The following MED27 variants were observed in gnomAD, a reference collection of about 807,000 sequenced individuals.
The protein encoded by MED27 is mediator complex subunit 27.
A neutral mutation model predicts 38.2 loss-of-function variants in MED27; 30 were observed. That is an observed-to-expected ratio of 0.79 (90% CI 0.59 to 1.07). The LOEUF (loss-of-function observed/expected upper bound fraction) is 1.07. Among genes scored for constraint, MED27 ranks in the 50% least tolerant of loss-of-function variants. The pLI, the probability that MED27 is intolerant of heterozygous loss-of-function variation, is 0.00. For missense variants in MED27, 289 were observed against 397.5 expected (o/e 0.73, Z 2.32); for synonymous variants, 122 against 153.5 (o/e 0.79, Z 1.52).
In MED27 at chr9:131,935,131, T is replaced by G. The variant is rs1207989448; in HGVS notation, c.573+4250A>C. On this transcript the variant is annotated intron_variant, in intron 4 of 7. Transcript: ENST00000292035. ...TTTAATAGGTACAAAAAGTAGTTAG[T>G]AAAAATAAATAAGACTTAGTATTTG... 5.9e-5 allele frequency among the ~76,000 whole-genome samples: 9 copies of G among 152,246 alleles called. No homozygotes were observed. In the South Asian group the frequency reaches 1.5e-3, roughly 25 times the overall value.
At chr9:131,893,751 C>G in intron 5 of MED27, 134 bp downstream of exon 5, 1 of 657,044 alleles carries the variant, frequency 1.5e-6, no homozygotes, top group Non-Finnish European at 2.7e-6. Context: ...TGTGCATCCT[C>G]ACACTGACAA....
intron 3 of MED27, among the ~76,000 whole-genome samples, chr9:131,990,037 G>A (rs770450588): frequency 6.6e-6 from 1 of 151,996 alleles, no homozygotes; most frequent in Non-Finnish European, 1.5e-5. Context: ...CACACCACCT[G>A]GGCTGTTCAC....
chr9:131,894,174 A>T (rs1009966979), intron 4 of MED27, among the ~76,000 whole-genome samples, 182 bp from the exon 5 acceptor site: 8 of 152,226 alleles, frequency 5.3e-5, no homozygotes, highest in Non-Finnish European at 1.5e-5. Flanking sequence ...GTGATCACTG[A>T]AAAATGTTTT....
intron 6 of MED27, among the ~76,000 whole-genome samples, chr9:131,865,374 C>A (rs1209176282): frequency 6.6e-6 from 1 of 152,138 alleles, no homozygotes; most frequent in Non-Finnish European, 1.5e-5. Context: ...CACAGCAAAG[C>A]AAACTGGGCT....
At position 131,860,435 on chromosome 9, in the gene MED27, CT is replaced by C; in HGVS notation, c.*102del. 1 of 1,305,878 alleles carries C rather than the reference CT, an allele frequency of 7.7e-7. No homozygotes were observed. The highest frequency in any genetic ancestry group is 1.0e-6 in the Non-Finnish European group (1 of 977,364). 80.9% of individuals were successfully genotyped at this position (1,305,878 alleles called of 1,614,324 possible). ...GCTGCTTTATGAAAGGGAGGAGCAG[CT>C]GTACACATCTGGGCAGTGAGGAACC... On this transcript the variant is annotated 3_prime_UTR_variant, in exon 8 of 8. Coordinates refer to ENST00000292035, the MANE Select transcript of MED27 (RefSeq NM_004269.4). This position sits in a 1 kb window ranked among gnomAD's most constrained non-coding sequence, Gnocchi z 5.8.
chr9:132,016,053 C>T (rs1027542615), intron 2 of MED27, among the ~76,000 whole-genome samples: 2 of 152,202 alleles, frequency 1.3e-5, no homozygotes, highest in African/African-American at 2.4e-5. Context: ...ATTTTCTTTG[C>T]CGAGTCAGCT....
chr9:131,956,369 A>C (rs1831099187), intron 3 of MED27, among the ~76,000 whole-genome samples: 1 of 152,208 alleles, frequency 6.6e-6, no homozygotes, highest in African/African-American at 2.4e-5. Flanking sequence ...ATGTAAATGC[A>C]CTTCGGGAGG....
chr9:132,025,583 T>C (rs561578219), intron 2 of MED27, among the ~76,000 whole-genome samples: 1 of 152,354 alleles, frequency 6.6e-6, no homozygotes, highest in East Asian at 1.9e-4. Flanking sequence ...CATCTGGATA[T>C]ACAACAGAGG....
chr9:131,903,601 C>T (rs1185743836), intron 4 of MED27, among the ~76,000 whole-genome samples: 1 of 152,214 alleles, frequency 6.6e-6, no homozygotes, highest in African/African-American at 2.4e-5. Context: ...CCTGGGCTTT[C>T]TTACTTCCAA....
At chr9:132,007,175 G>A (rs1832376088) in intron 3 of MED27, among the ~76,000 whole-genome samples, 1 of 152,134 alleles carries the variant, frequency 6.6e-6, no homozygotes, top group African/African-American at 2.4e-5. Flanking sequence ...CTTCCTTCCA[G>A]CAACACTTGT....
chr9:131,966,074 G>A (rs1185789336), intron 3 of MED27, among the ~76,000 whole-genome samples: 1 of 148,762 alleles, frequency 6.7e-6, no homozygotes, highest in East Asian at 2.0e-4. Context: ...AATAAAGACT[G>A]CATTTTGGCC....
At chr9:131,900,243 C>T (rs1049046742) in intron 4 of MED27, among the ~76,000 whole-genome samples, 2 of 152,214 alleles carry the variant, frequency 1.3e-5, no homozygotes, top group African/African-American at 4.8e-5. Flanking sequence ...ATCAGGTCAG[C>T]TGCACTCTGG....
intron 1 of MED27, among the ~76,000 whole-genome samples, chr9:132,079,094 G>A (rs937460744): frequency 1.3e-5 from 2 of 152,182 alleles, no homozygotes; most frequent in Non-Finnish European, 2.9e-5. Flanking sequence ...TGAGGAAACT[G>A]ATCAGGTGGT....
rs146388710 is a variant in MED27 at position 132,059,288 on chromosome 9, G to A, written c.348+18154C>T. On this transcript the variant is annotated intron_variant, in intron 2 of 7. Transcript: ENST00000292035. Reference sequence around the variant, plus strand: ...GGGCAAGAGGAACAGATCACCCTCAGAAAGACTCTGGTGGAGCACTACAGA... The same window carrying A: ...GGGCAAGAGGAACAGATCACCCTCAAAAAGACTCTGGTGGAGCACTACAGA... Among the ~76,000 whole-genome samples the A allele has an allele frequency of 5.3e-3, 812 of 152,332 alleles. 5 individuals are homozygous for A. Among genetic ancestry groups the A allele is most frequent in the African/African-American group, 0.019 (772 of 41,570 alleles).
At chr9:132,004,542 G>C (rs1832314437) in intron 3 of MED27, among the ~76,000 whole-genome samples, 1 of 152,158 alleles carries the variant, frequency 6.6e-6, no homozygotes, top group Non-Finnish European at 1.5e-5. Context: ...CCCTGTAGCA[G>C]CGCACTGCAA....
At chr9:131,867,864 T>G (rs1383623856) in intron 6 of MED27, among the ~76,000 whole-genome samples, 7 of 152,342 alleles carry the variant, frequency 4.6e-5, no homozygotes, top group Admixed American at 2.0e-4. Context: ...GCGTTGGCAC[T>G]GCCAGCTGAC....
At chr9:132,002,929 G>GA (rs60920909) in intron 3 of MED27, among the ~76,000 whole-genome samples, 4 of 136,830 alleles carry the variant, frequency 2.9e-5, no homozygotes, top group African/African-American at 5.3e-5. Flanking sequence ...AAAAAAAAAA[G>GA]AAAAAAGAAA....
intron 4 of MED27, among the ~76,000 whole-genome samples, chr9:131,932,552 C>T (rs1589219541): frequency 1.3e-5 from 2 of 151,868 alleles, no homozygotes; most frequent in Admixed American, 6.6e-5. Flanking sequence ...TACAACCTAC[C>T]GAGACTGAAC....
At chr9:131,989,277 AT>A (rs1292103133) in intron 3 of MED27, among the ~76,000 whole-genome samples, 1 of 152,214 alleles carries the variant, frequency 6.6e-6, no homozygotes, top group Non-Finnish European at 1.5e-5. Flanking sequence ...ACTATTCAGG[AT>A]TCCTCTTAGA....
Sources: allele counts gnomAD v4.1 joint callset (sites outside exome capture counted in the v4.1 genomes callset), GRCh38; gene constraint gnomAD v4.1.1; non-coding constraint Gnocchi (gnomAD v3.1); transcripts MANE v1.5; gene names NCBI Gene and HGNC (gene_info 2026-07-23, HGNC 2026-07-21).